Variants in CNTNAP2 observed in about 807,000 individuals in gnomAD.
The protein encoded by CNTNAP2 is contactin associated protein 2, also known as contactin-associated protein-like 2.
CNTNAP2 carries 98 observed loss-of-function variants against 155.2 expected under a neutral mutation model. That is an observed-to-expected ratio of 0.63 (90% CI 0.54 to 0.75). The LOEUF (loss-of-function observed/expected upper bound fraction) is 0.75. Ranked by LOEUF, CNTNAP2 falls within the 30% of genes least tolerant of loss-of-function variation. CNTNAP2 has a pLI of 0.00. For synonymous variants in CNTNAP2, 651 were observed against 631.2 expected (o/e 1.03, Z -0.47); for missense variants, 1,727 against 1,688.1 (o/e 1.02, Z -0.40).
chr7:146,754,246 C>A (rs17170242), intron 1 of CNTNAP2, among the ~76,000 whole-genome samples: 6,817 of 151,966 alleles, frequency 0.045, 178 homozygotes, highest in East Asian at 0.096. Context: ...TAGTAGGAGT[C>A]AAACTCGTAA....
At chr7:147,191,821 G>A (rs1411967498) in intron 8 of CNTNAP2, among the ~76,000 whole-genome samples, 2 of 152,038 alleles carry the variant, frequency 1.3e-5, no homozygotes, top group African/African-American at 2.4e-5. Flanking sequence ...AACTCCATCT[G>A]CATAACACTG....
At chr7:146,903,073 A>G (rs1423107938) in intron 3 of CNTNAP2, among the ~76,000 whole-genome samples, 2 of 152,094 alleles carry the variant, frequency 1.3e-5, no homozygotes, top group African/African-American at 4.8e-5. Flanking sequence ...ATTTTTATCA[A>G]CTTCACGTTG....
At chr7:147,530,278 TG>T (rs1375842190) in intron 11 of CNTNAP2, among the ~76,000 whole-genome samples, 5 of 150,296 alleles carry the variant, frequency 3.3e-5, no homozygotes, top group Admixed American at 1.3e-4. Context: ...CTCCACCTCC[TG>T]GGTTCAAGTG....
intron 1 of CNTNAP2, among the ~76,000 whole-genome samples, chr7:146,211,376 A>C (rs2116883535): frequency 6.6e-6 from 1 of 152,342 alleles, no homozygotes; most frequent in African/African-American, 2.4e-5. Flanking sequence ...TGAATTCTTA[A>C]TCATTACCTT....
At chr7:147,420,945 A>G (rs1797281990) in intron 10 of CNTNAP2, among the ~76,000 whole-genome samples, 1 of 152,180 alleles carries the variant, frequency 6.6e-6, no homozygotes, top group African/African-American at 2.4e-5. Context: ...TTTCTTTTTG[A>G]TGTTCACCTC....
chr7:147,385,402 C>A (rs1384072207), intron 9 of CNTNAP2, among the ~76,000 whole-genome samples: 1 of 152,192 alleles, frequency 6.6e-6, no homozygotes, highest in African/African-American at 2.4e-5. Context: ...CAAGGCAAGT[C>A]CTTTCTGCTC....
At chr7:146,548,984 G>A (rs1010945036) in intron 1 of CNTNAP2, among the ~76,000 whole-genome samples, 1 of 149,916 alleles carries the variant, frequency 6.7e-6, no homozygotes, top group Admixed American at 6.6e-5. Flanking sequence ...GAGTTTTCTA[G>A]TTTCAGGTCT....
At chr7:146,372,431 TTC>T (rs1438393165) in intron 1 of CNTNAP2, among the ~76,000 whole-genome samples, 2 of 152,236 alleles carry the variant, frequency 1.3e-5, no homozygotes, top group African/African-American at 4.8e-5. Context: ...CATACAAAAT[TTC>T]TCTGAGATTT....
intron 15 of CNTNAP2, among the ~76,000 whole-genome samples, chr7:148,103,453 T>C (rs73472244): frequency 0.01 from 1,566 of 152,316 alleles, 31 homozygotes; most frequent in African/African-American, 0.036. Context: ...GTTCTAAATC[T>C]GCATACTGGA....
intron 16 of CNTNAP2, among the ~76,000 whole-genome samples, chr7:148,129,212 A>T (rs897721318): frequency 6.6e-6 from 1 of 152,088 alleles, no homozygotes; most frequent in South Asian, 2.1e-4. Flanking sequence ...CTCCCTATTA[A>T]ACTCCAGCTT....
intron 13 of CNTNAP2, among the ~76,000 whole-genome samples, chr7:147,655,437 T>C (rs1795511640): frequency 1.3e-5 from 2 of 152,162 alleles, no homozygotes; most frequent in Non-Finnish European, 2.9e-5. Context: ...TTTTAAATAA[T>C]ATAACTTGAA....
chr7:146,983,599 T>C (rs547700109), intron 3 of CNTNAP2, among the ~76,000 whole-genome samples: 1 of 152,310 alleles, frequency 6.6e-6, no homozygotes, highest in Non-Finnish European at 1.5e-5. Flanking sequence ...AATCTTCTTT[T>C]TCCAGGAAAA....
At chr7:146,835,323 T>C (rs950064810) in intron 2 of CNTNAP2, among the ~76,000 whole-genome samples, 1 of 152,166 alleles carries the variant, frequency 6.6e-6, no homozygotes, top group Non-Finnish European at 1.5e-5. Context: ...GTTACCTCAT[T>C]GTATTAATTG....
At chr7:147,302,007 A>C (rs1794954113) in intron 9 of CNTNAP2, among the ~76,000 whole-genome samples, 1 of 152,218 alleles carries the variant, frequency 6.6e-6, no homozygotes, top group South Asian at 2.1e-4. Flanking sequence ...TTGGAAGTTA[A>C]GACTACATGA....
chr7:147,700,855 C>T (rs1000172785), intron 13 of CNTNAP2, among the ~76,000 whole-genome samples: 1 of 152,152 alleles, frequency 6.6e-6, no homozygotes, highest in Non-Finnish European at 1.5e-5. Context: ...TATTACTCAT[C>T]ATTTGGCCCG....
chr7:146,897,269 C>T (rs1795897078), intron 3 of CNTNAP2, among the ~76,000 whole-genome samples: 3 of 152,014 alleles, frequency 2.0e-5, no homozygotes, highest in Admixed American at 6.6e-5. Flanking sequence ...TTGAGGTTCT[C>T]GAATTCAAAT....
At chr7:147,965,278 T>C (rs1801188764) in intron 14 of CNTNAP2, among the ~76,000 whole-genome samples, 1 of 152,062 alleles carries the variant, frequency 6.6e-6, no homozygotes, top group South Asian at 2.1e-4. Context: ...GAAAGCAATG[T>C]TGGCAAATTG....
At chr7:147,971,767 GC>G (rs1801338924) in intron 14 of CNTNAP2, among the ~76,000 whole-genome samples, 1 of 152,166 alleles carries the variant, frequency 6.6e-6, no homozygotes, top group East Asian at 1.9e-4. Flanking sequence ...TACCTAAAAG[GC>G]TTTGTGTGAA....
Position 148,229,752 on chromosome 7 carries a change from C to G in CNTNAP2, c.3354C>G (p.Thr1118=), listed in dbSNP as rs962865881. The change falls in exon 20 of 24, where the codon ACC becomes ACG. Residue 1118 remains threonine, a synonymous_variant. Transcript: ENST00000361727. ...ANGQPHSVNI[T]RHEKTIFLKL... is the part of the protein sequence containing the mutation. ...GACAGCCCCACAGTGTCAACATCAC[C>G]CGCCACGAGAAGACCATCTTTCTCA... The G allele has an allele frequency of 1.2e-6, 2 of 1,613,952 alleles. No homozygotes were observed. The highest frequency in any genetic ancestry group is 1.7e-6 in the Non-Finnish European group (2 of 1,180,012).
Sources: gnomAD v4.1 joint callset for allele counts (sites outside exome capture counted in the v4.1 genomes callset) on GRCh38, gnomAD v4.1.1 for gene constraint, MANE v1.5 for transcripts, NCBI Gene and HGNC (gene_info 2026-07-23, HGNC 2026-07-21) for gene names.